BMPR1B: variants seen among roughly 807,000 people sequenced by gnomAD.
The protein encoded by BMPR1B is bone morphogenetic protein receptor type 1B.
In BMPR1B, 12 loss-of-function variants were observed where a neutral mutation model predicts 59.1. The observed-to-expected ratio is 0.20, with a 90% CI of 0.13 to 0.33. The LOEUF (loss-of-function observed/expected upper bound fraction) is 0.33, where lower values mean the gene tolerates loss of function less well. BMPR1B is among the 10% of genes least tolerant of loss of function. BMPR1B has a pLI of 1.00. For synonymous variants in BMPR1B, 237 were observed against 207.3 expected (o/e 1.14, Z -1.23); for missense variants, 550 against 610.9 (o/e 0.90, Z 1.05).
intron 10 of BMPR1B, among the ~76,000 whole-genome samples, chr4:95,146,911 CCT>C (rs1446808080): frequency 6.6e-6 from 1 of 152,216 alleles, no homozygotes; most frequent in Non-Finnish European, 1.5e-5. Context: ...ACTTTCCTCC[CCT>C]GTCATTTATC....
At chr4:94,763,015 A>G (rs1365680554) in intron 1 of BMPR1B, among the ~76,000 whole-genome samples, 2 of 151,918 alleles carry the variant, frequency 1.3e-5, no homozygotes, top group Non-Finnish European at 2.9e-5. Context: ...CAAATATCTC[A>G]TGGGCTGCAA....
At chr4:94,880,623 C>T (rs1326144068) in intron 2 of BMPR1B, among the ~76,000 whole-genome samples, 1 of 150,438 alleles carries the variant, frequency 6.6e-6, no homozygotes. Context: ...CTGCGCCTGA[C>T]CATTAAAATG....
intron 3 of BMPR1B, among the ~76,000 whole-genome samples, chr4:95,071,826 G>T (rs953989761): frequency 1.3e-5 from 2 of 151,726 alleles, no homozygotes. Context: ...CTGGTTATTT[G>T]TATTTGTTTT....
At chr4:95,030,636 A>C (rs571364040) in intron 3 of BMPR1B, among the ~76,000 whole-genome samples, 177 of 152,248 alleles carry the variant, frequency 1.2e-3, no homozygotes, top group African/African-American at 4.1e-3. Context: ...GTCTCAGCCC[A>C]AAATCTCCTT....
At chr4:94,872,407 G>A (rs7699554) in intron 1 of BMPR1B, among the ~76,000 whole-genome samples, 18,333 of 152,164 alleles carry the variant, frequency 0.12, 1,146 homozygotes, top group Non-Finnish European at 0.14. Flanking sequence ...TCAATAGCAC[G>A]TTTAGTGATG....
At chr4:94,799,161 A>G (rs1010908767) in intron 1 of BMPR1B, among the ~76,000 whole-genome samples, 1 of 148,548 alleles carries the variant, frequency 6.7e-6, no homozygotes, top group Non-Finnish European at 1.5e-5. Context: ...CCCCTCATTC[A>G]TACTAGATGA....
At chr4:94,814,220 T>G (rs1005735990) in intron 1 of BMPR1B, among the ~76,000 whole-genome samples, 2 of 152,244 alleles carry the variant, frequency 1.3e-5, no homozygotes, top group African/African-American at 4.8e-5. Flanking sequence ...CCACTTTGTT[T>G]TATTCATATT....
At chr4:95,080,410 A>G (rs1729045503) in intron 3 of BMPR1B, among the ~76,000 whole-genome samples, 1 of 152,006 alleles carries the variant, frequency 6.6e-6, no homozygotes. Flanking sequence ...TAATTTTTGT[A>G]TTTTTAGTGG....
intron 3 of BMPR1B, among the ~76,000 whole-genome samples, chr4:95,094,244 A>G (rs1380131988): frequency 6.6e-6 from 1 of 152,126 alleles, no homozygotes; most frequent in East Asian, 1.9e-4. Flanking sequence ...GAAAGAAAAT[A>G]AGAATATTTT....
chr4:94,903,337 T>A (rs1270372075), intron 2 of BMPR1B, among the ~76,000 whole-genome samples: 1 of 152,092 alleles, frequency 6.6e-6, no homozygotes, highest in East Asian at 1.9e-4. Flanking sequence ...AAGAATGAAC[T>A]TATTATACTC....
intron 2 of BMPR1B, among the ~76,000 whole-genome samples, chr4:94,950,188 C>T (rs1322126825): frequency 1.3e-5 from 2 of 151,946 alleles, no homozygotes; most frequent in Non-Finnish European, 1.5e-5. Flanking sequence ...GGATATTAGC[C>T]GTTTGTCAGA....
chr4:94,886,931 G>A (rs1727190413), intron 2 of BMPR1B, among the ~76,000 whole-genome samples: 1 of 152,114 alleles, frequency 6.6e-6, no homozygotes, highest in African/African-American at 2.4e-5. Flanking sequence ...CTGGGAAGAT[G>A]GGATGAAGAT....
At chr4:94,758,339 C>T (rs1303074474) in intron 1 of BMPR1B, among the ~76,000 whole-genome samples, 6 of 151,392 alleles carry the variant, frequency 4.0e-5, no homozygotes, top group Admixed American at 3.3e-4. Context: ...GCGGGCGGCT[C>T]TGCCGGGACC....
At chr4:95,107,631 A>G (rs1270468108) in intron 4 of BMPR1B, among the ~76,000 whole-genome samples, 2 of 152,072 alleles carry the variant, frequency 1.3e-5, no homozygotes, top group Non-Finnish European at 2.9e-5. Flanking sequence ...TAACATTCCT[A>G]TAAAGAATGT....
chr4:95,068,257 G>T (rs1728002528), intron 3 of BMPR1B, among the ~76,000 whole-genome samples: 1 of 152,102 alleles, frequency 6.6e-6, no homozygotes, highest in African/African-American at 2.4e-5. Flanking sequence ...CTTAATGGCA[G>T]TTCCATCCTT....
chr4:94,903,359 G>C (rs1727905305), intron 2 of BMPR1B, among the ~76,000 whole-genome samples: 1 of 151,842 alleles, frequency 6.6e-6, no homozygotes, highest in Non-Finnish European at 1.5e-5. Context: ...TGTCTCTATA[G>C]TGTCTATAGT....
intron 3 of BMPR1B, among the ~76,000 whole-genome samples, chr4:95,012,553 T>C (rs1723298232): frequency 6.6e-6 from 1 of 152,180 alleles, no homozygotes. Context: ...ACTTAACCTT[T>C]GTGTACTTTG....
At chr4:95,050,672 A>G (rs1451776119) in intron 3 of BMPR1B, among the ~76,000 whole-genome samples, 2 of 152,202 alleles carry the variant, frequency 1.3e-5, no homozygotes, top group African/African-American at 2.4e-5. Flanking sequence ...ATGATATCTT[A>G]GATATAAACA....
intron 3 of BMPR1B, among the ~76,000 whole-genome samples, chr4:95,037,060 G>A (rs918054240): frequency 6.6e-6 from 1 of 152,084 alleles, no homozygotes; most frequent in Non-Finnish European, 1.5e-5. Context: ...TGTAAAGTCT[G>A]GGACGGGTAC....
Sources: allele counts gnomAD v4.1 joint callset (sites outside exome capture counted in the v4.1 genomes callset), GRCh38; gene constraint gnomAD v4.1.1; transcripts MANE v1.5; gene names NCBI Gene and HGNC (gene_info 2026-07-23, HGNC 2026-07-21).